The following WDR35 variants were observed in gnomAD, a reference collection of about 807,000 sequenced individuals.
WDR35 encodes the protein WD repeat-containing protein 35.
Under a neutral mutation model 158.3 loss-of-function variants are expected in WDR35, and 118 were observed. The ratio of observed to expected loss-of-function variants is 0.75; its 90% CI spans 0.64 to 0.87. The LOEUF is 0.87. Among genes scored for constraint, WDR35 ranks in the 40% least tolerant of loss-of-function variants. WDR35 has a pLI of 0.00. For synonymous variants in WDR35, 448 were observed against 476.1 expected (o/e 0.94, Z 0.77); for missense variants, 1,263 against 1,405.8 (o/e 0.90, Z 1.62).
At chr2:19,922,264 G>A (rs891575946) in intron 25 of WDR35, among the ~76,000 whole-genome samples, 5 of 152,172 alleles carry the variant, frequency 3.3e-5, no homozygotes, top group African/African-American at 1.2e-4. Flanking sequence ...AAAGACACAT[G>A]CACATGTATG....
chr2:19,937,268 C>A (rs1670727553), intron 19 of WDR35, among the ~76,000 whole-genome samples: 2 of 152,128 alleles, frequency 1.3e-5, no homozygotes, highest in East Asian at 3.9e-4. Flanking sequence ...TTCTTTAATT[C>A]AAAAGAAGAA....
intron 10 of WDR35, 30 bp downstream of exon 10, chr2:19,966,694 C>T (rs1343669196): frequency 1.2e-6 from 2 of 1,611,194 alleles, no homozygotes; most frequent in Non-Finnish European, 1.7e-6. Context: ...GTTAGCCCAG[C>T]TATGTCTTAA....
intron 2 of WDR35, among the ~76,000 whole-genome samples, chr2:19,984,077 A>G (rs1368847414): frequency 2.7e-5 from 4 of 149,714 alleles, no homozygotes; most frequent in Non-Finnish European, 5.9e-5. Context: ...TGATGTCACT[A>G]TAACCTAAGT....
At chr2:19,942,599 G>C (rs1670916336) in intron 16 of WDR35, among the ~76,000 whole-genome samples, 1 of 148,054 alleles carries the variant, frequency 6.8e-6, no homozygotes, top group Non-Finnish European at 1.5e-5. Flanking sequence ...ATAATCAAAA[G>C]ATAAACTCAC....
At chr2:19,963,813 G>A (rs760176465) in intron 10 of WDR35, among the ~76,000 whole-genome samples, 1 of 151,780 alleles carries the variant, frequency 6.6e-6, no homozygotes, top group Admixed American at 6.6e-5. Context: ...GGCACATCTC[G>A]GCTCACTGCA....
intron 3 of WDR35, among the ~76,000 whole-genome samples, chr2:19,981,610 T>C (rs1331607258): frequency 6.6e-6 from 1 of 152,112 alleles, no homozygotes; most frequent in Non-Finnish European, 1.5e-5. Context: ...CTCCAACTCA[T>C]GAGCTCAAGC....
intron 17 of WDR35, among the ~76,000 whole-genome samples, chr2:19,940,981 G>A (rs544732704): frequency 6.6e-6 from 1 of 152,148 alleles, no homozygotes; most frequent in South Asian, 2.1e-4. Flanking sequence ...TTATGATATA[G>A]AAAATGAAAC....
chr2:19,923,323 C>T lies in WDR35; in HGVS notation c.3121+7073G>A, dbSNP rs528854426. On this transcript the variant is annotated intron_variant, in intron 25 of 26. Transcript: ENST00000281405. ...GGTCGCTGGAGCAACAGTTGGAGAA[C>T]GTGGAACTAGCTGGAGGACACCTGA... 4.8e-4 allele frequency among the ~76,000 whole-genome samples: 73 copies of T among 152,244 alleles called. 1 individual carries two copies. Among genetic ancestry groups the T allele is most frequent in the African/African-American group, 1.3e-3 (55 of 41,530 alleles).
chr2:19,933,686 A>C (rs929493217), intron 21 of WDR35, among the ~76,000 whole-genome samples, 175 bp from the exon 22 acceptor site: 1 of 152,196 alleles, frequency 6.6e-6, no homozygotes. Context: ...CTAAGGCATC[A>C]CTTCTATAAA....
chr2:19,966,753 C>G lies in WDR35; in HGVS notation c.1165G>C (p.Ala389Pro). The G allele has an allele frequency of 6.2e-7, 1 of 1,613,880 alleles. No homozygotes were observed. The highest frequency in any genetic ancestry group is 8.5e-7 in the Non-Finnish European group (1 of 1,179,908). Residue 389 changes from alanine (A) to proline (P), a missense_variant, in exon 10 of 27, where the codon GCT becomes CCT. Physicochemically the swap from Ala to Pro is conservative, Grantham distance 27. Coordinates refer to ENST00000281405, the MANE Select transcript of WDR35 (RefSeq NM_020779.4). ...GGATGATTTTCATCAGCTTTTGTAGCCAAAATGCAGAAATCTCCACAGGTA... is the reference window on the plus strand; with the variant it reads ...GGATGATTTTCATCAGCTTTTGTAGGCAAAATGCAGAAATCTCCACAGGTA... ...ITTCGDFCIL[A>P]TKADENHPQF...
chr2:19,963,160 C>T (rs879928422), intron 10 of WDR35, among the ~76,000 whole-genome samples: 2 of 152,160 alleles, frequency 1.3e-5, no homozygotes, highest in Non-Finnish European at 2.9e-5. Context: ...GGGCACCTTT[C>T]CATCCCTCTC....
chr2:19,962,612 T>C (rs562077132), intron 10 of WDR35, among the ~76,000 whole-genome samples: 2 of 152,210 alleles, frequency 1.3e-5, no homozygotes, highest in Non-Finnish European at 2.9e-5. Context: ...CAGTTCTTTA[T>C]GTGCTATTTA....
chr2:19,937,598 G>A, intron 19 of WDR35, 145 bp downstream of exon 19: 1 of 1,071,784 alleles, frequency 9.3e-7, no homozygotes, highest in African/African-American at 1.6e-5. Flanking sequence ...GAGGCATGTA[G>A]AATATCTAGG....
chr2:19,954,154 T>C (rs1329286856), intron 11 of WDR35, among the ~76,000 whole-genome samples, 176 bp from the exon 12 acceptor site: 2 of 152,178 alleles, frequency 1.3e-5, no homozygotes, highest in East Asian at 3.8e-4. Context: ...CAAAAGCTTG[T>C]AGCATCATAC....
intron 4 of WDR35, among the ~76,000 whole-genome samples, chr2:19,979,191 C>T (rs1672307807): frequency 6.6e-6 from 1 of 152,068 alleles, no homozygotes; most frequent in Non-Finnish European, 1.5e-5. Context: ...TTTGCTTTTT[C>T]AGAGCTAAAA....
rs962223666 is a variant in WDR35, at chr2:19,912,061, G to A, written c.*1497C>T. 6.6e-6 allele frequency: 1 copy of A among 152,192 alleles called. No individual in the cohort carries two copies. Among genetic ancestry groups the A allele is most frequent in the African/African-American group, 2.4e-5 (1 of 41,426 alleles). The allele number at this position is 152,192 out of a possible 1,614,324, so 9.4% of individuals were successfully genotyped here. On this transcript the variant is annotated 3_prime_UTR_variant, in exon 27 of 27. Coordinates refer to ENST00000281405, the MANE Select transcript of WDR35 (RefSeq NM_020779.4). The stretch of plus-strand genomic sequence containing the variant: ...TGTAACCCGACTATTAGGGGAAAGC[G>A]TATGTGACAGAATGTGAGTCAGGAC...
chr2:19,982,251 G>C (rs1285675781), intron 3 of WDR35, among the ~76,000 whole-genome samples: 1 of 152,166 alleles, frequency 6.6e-6, no homozygotes, highest in Non-Finnish European at 1.5e-5. Context: ...AGGTAAGCTA[G>C]GCAGAGCTAC....
rs753270778 is a variant in WDR35, at chr2:19,913,624, G to A, written c.3447C>T (p.His1149=). 20 of 1,614,054 alleles carry A rather than the reference G, an allele frequency of 1.2e-5. No homozygotes were observed. The highest frequency in any genetic ancestry group is 6.7e-5 in the Admixed American group (4 of 59,998). Residue 1149 remains histidine (H), a synonymous_variant, in exon 27 of 27, where the codon CAC becomes CAT. Coordinates refer to ENST00000281405, the MANE Select transcript of WDR35 (RefSeq NM_020779.4). ...GGCTTATTTCCTGAGCAAGGACACCGTGTTTGCATACACTGCACATCCAGA... is the reference window on the plus strand; with the variant it reads ...GGCTTATTTCCTGAGCAAGGACACCATGTTTGCATACACTGCACATCCAGA... ...YQFWMCSVCK[H]GVLAQEISHY...
At chr2:19,955,073 C>A (rs1421154088) in intron 11 of WDR35, among the ~76,000 whole-genome samples, 1 of 152,152 alleles carries the variant, frequency 6.6e-6, no homozygotes, top group Admixed American at 6.5e-5. Context: ...CTGCCTCAGC[C>A]TCCAGAGTAG....
Sources: gnomAD v4.1 joint callset for allele counts (sites outside exome capture counted in the v4.1 genomes callset) on GRCh38, gnomAD v4.1.1 for gene constraint, MANE v1.5 for transcripts, NCBI Gene and HGNC (gene_info 2026-07-23, HGNC 2026-07-21) for gene names.